PNLIPRP3: variants seen among roughly 807,000 people sequenced by gnomAD.
PNLIPRP3 encodes pancreatic lipase-related protein 3.
PNLIPRP3 carries 58 observed loss-of-function variants against 52.8 expected under a neutral mutation model. The ratio of observed to expected loss-of-function variants is 1.10; its 90% CI spans 0.89 to 1.37. The LOEUF (loss-of-function observed/expected upper bound fraction) is 1.37, where lower values mean the gene tolerates loss of function less well. PNLIPRP3 is among the 40% of genes most tolerant of loss of function. The pLI, the probability that PNLIPRP3 is intolerant of heterozygous loss-of-function variation, is 0.00. For missense variants in PNLIPRP3, 593 were observed against 561.6 expected (o/e 1.06, Z -0.57); for synonymous variants, 192 against 185.0 (o/e 1.04, Z -0.31).
In PNLIPRP3 at chr10:116,477,920, C is replaced by A. The variant is rs1846502227; in HGVS notation, c.*767C>A. On this transcript the variant is annotated 3_prime_UTR_variant, in exon 12 of 12. Transcript: ENST00000369230. ...TTTCATTTGTAAAGCACTTGGGTAA[C>A]CCTTTGTTCTTGCAATAACAATATT... The A allele has an allele frequency of 6.6e-6, 1 of 152,104 alleles. No homozygotes were observed. Among genetic ancestry groups the A allele is most frequent in the Non-Finnish European group, 1.5e-5 (1 of 68,026 alleles). The allele number at this position is 152,104 out of a possible 1,614,324, so 9.4% of individuals were successfully genotyped here.
At chr10:116,442,990 G>A in intron 2 of PNLIPRP3, 65 bp from the exon 3 acceptor site, 1 of 1,288,000 alleles carries the variant, frequency 7.8e-7, no homozygotes, top group Non-Finnish European at 1.0e-6. Context: ...CTTTAGAATA[G>A]GTCTACTAAC....
In PNLIPRP3 at chr10:116,433,716, T is replaced by C. The variant is rs147242453; in HGVS notation, c.50-2995T>C. On this transcript the variant is annotated intron_variant, in intron 1 of 11. Transcript: ENST00000369230. ...AAGAGCCTTTGCATGGTTCCACAGTTGCATCATTTTCCTTTGCCCCAACAG... is the reference window on the plus strand; with the variant it reads ...AAGAGCCTTTGCATGGTTCCACAGTCGCATCATTTTCCTTTGCCCCAACAG... 3.3e-5 allele frequency among the ~76,000 whole-genome samples: 5 copies of C among 151,932 alleles called. No individual in the cohort carries two copies. In the East Asian group the frequency reaches 9.7e-4, roughly 29 times the overall value.
intron 2 of PNLIPRP3, among the ~76,000 whole-genome samples, chr10:116,437,306 G>T (rs1288585619): frequency 2.0e-5 from 3 of 152,132 alleles, no homozygotes; most frequent in Non-Finnish European, 4.4e-5. Context: ...AAGACTCTGG[G>T]AACAAAGTGA....
chr10:116,450,933 G>A (rs1846025783), intron 4 of PNLIPRP3, among the ~76,000 whole-genome samples: 1 of 151,446 alleles, frequency 6.6e-6, no homozygotes, highest in Non-Finnish European at 1.5e-5. Flanking sequence ...AACAGAAATA[G>A]TAAAAACAAT....
At chr10:116,451,928 T>C (rs934075454) in intron 4 of PNLIPRP3, among the ~76,000 whole-genome samples, 2 of 152,094 alleles carry the variant, frequency 1.3e-5, no homozygotes, top group African/African-American at 4.8e-5. Flanking sequence ...AAATGAGCAA[T>C]GTTGGGAGAG....
At chr10:116,442,323 G>A (rs1267093959) in intron 2 of PNLIPRP3, among the ~76,000 whole-genome samples, 1 of 152,100 alleles carries the variant, frequency 6.6e-6, no homozygotes, top group Non-Finnish European at 1.5e-5. Flanking sequence ...TATTTCATGT[G>A]ATGAGATTCT....
At chr10:116,464,085 A>T (rs1846240159) in intron 7 of PNLIPRP3, among the ~76,000 whole-genome samples, 1 of 152,248 alleles carries the variant, frequency 6.6e-6, no homozygotes, top group African/African-American at 2.4e-5. Context: ...TCTTATTATT[A>T]TTCCAATAAT....
chr10:116,432,642 AC>A (rs1329085831), intron 1 of PNLIPRP3, among the ~76,000 whole-genome samples: 1 of 152,222 alleles, frequency 6.6e-6, no homozygotes, highest in Admixed American at 6.5e-5. Context: ...AAGTGAAATA[AC>A]CTCAGATGTG....
rs183859233 is a variant in PNLIPRP3 at position 116,436,814 on chromosome 10, G to A, written c.153G>A (p.Lys51=). The A allele has an allele frequency of 6.2e-7, 1 of 1,613,388 alleles. No individual in the cohort carries two copies. The highest frequency in any genetic ancestry group is 1.3e-5 in the African/African-American group (1 of 74,952). Reference sequence around the variant, plus strand: ...TAGGTTTACCCTGGTCTCCAGAGAAGATAAACACTCGTTTCCTGCTCTACA... The same window carrying A: ...TAGGTTTACCCTGGTCTCCAGAGAAAATAAACACTCGTTTCCTGCTCTACA... ...ELVGLPWSPE[K]INTRFLLYTI... Residue 51 remains lysine, a synonymous_variant, in exon 2 of 12, where the codon AAG becomes AAA. Transcript: ENST00000369230.
chr10:116,468,500 C>A (rs1381552858), intron 8 of PNLIPRP3, among the ~76,000 whole-genome samples: 1 of 152,114 alleles, frequency 6.6e-6, no homozygotes, highest in African/African-American at 2.4e-5. Flanking sequence ...GTAGACAAAT[C>A]AACATAAATA....
chr10:116,463,486 A>C (rs931765876), intron 7 of PNLIPRP3, among the ~76,000 whole-genome samples: 3 of 152,184 alleles, frequency 2.0e-5, no homozygotes, highest in African/African-American at 4.8e-5. Context: ...GTTTCAGGAC[A>C]GTAAGAGTGG....
rs144583766 is a variant in PNLIPRP3 at position 116,448,301 on chromosome 10, T to C, written c.456+3788T>C. 8.4e-3 allele frequency among the ~76,000 whole-genome samples: 1,283 copies of C among 152,302 alleles called. 23 individuals carry two copies. Among genetic ancestry groups the C allele is most frequent in the African/African-American group, 0.029 (1,223 of 41,568 alleles). On this transcript the variant is annotated intron_variant, in intron 4 of 11. Transcript: ENST00000369230. ...AGCATGTGATGTGAACAAGTAAAAG[T>C]GTTGACTTTGGCGTATATGATTGAA...
intron 1 of PNLIPRP3, among the ~76,000 whole-genome samples, chr10:116,434,245 T>A (rs1338862204): frequency 6.6e-6 from 1 of 152,176 alleles, no homozygotes; most frequent in Admixed American, 6.5e-5. Flanking sequence ...CAAGTATAAA[T>A]AAGAAAATTA....
chr10:116,463,128 A>T (rs1846223248), intron 7 of PNLIPRP3, among the ~76,000 whole-genome samples: 1 of 152,238 alleles, frequency 6.6e-6, no homozygotes, highest in East Asian at 1.9e-4. Flanking sequence ...CCAATTATTA[A>T]TCTGTGCTGA....
intron 1 of PNLIPRP3, among the ~76,000 whole-genome samples, chr10:116,428,895 C>T (rs937739692): frequency 3.9e-5 from 6 of 152,052 alleles, no homozygotes; most frequent in African/African-American, 7.2e-5. Context: ...GTTCAACCAC[C>T]GGTTTGAATT....
chr10:116,438,330 G>T (rs185983818), intron 2 of PNLIPRP3, among the ~76,000 whole-genome samples: 74 of 152,286 alleles, frequency 4.9e-4, no homozygotes, highest in Middle Eastern at 3.4e-3. Flanking sequence ...AGTGGGGCCA[G>T]AGAAGATCAT....
At chr10:116,467,404 AAAATAAAT>A (rs894499187) in intron 8 of PNLIPRP3, among the ~76,000 whole-genome samples, 2 of 152,148 alleles carry the variant, frequency 1.3e-5, no homozygotes, top group African/African-American at 2.4e-5. Context: ...TCCATCTCAA[AAAATAAAT>A]AAATAAATAA....
intron 2 of PNLIPRP3, among the ~76,000 whole-genome samples, chr10:116,441,354 C>T (rs1411453725): frequency 6.6e-6 from 1 of 152,116 alleles, no homozygotes; most frequent in Non-Finnish European, 1.5e-5. Flanking sequence ...CCCCACAATG[C>T]CTGTCAGAAT....
intron 4 of PNLIPRP3, among the ~76,000 whole-genome samples, chr10:116,446,592 G>A (rs931142025): frequency 1.3e-5 from 2 of 152,060 alleles, no homozygotes; most frequent in Admixed American, 6.5e-5. Context: ...TGAAACTTAG[G>A]TGAAACTAAA....
Sources: gnomAD v4.1 joint callset for allele counts (sites outside exome capture counted in the v4.1 genomes callset) on GRCh38, gnomAD v4.1.1 for gene constraint, MANE v1.5 for transcripts, NCBI Gene and HGNC (gene_info 2026-07-23, HGNC 2026-07-21) for gene names.